CDH18: variants seen among roughly 807,000 people sequenced by gnomAD.
The protein encoded by CDH18 is cadherin 18.
Under a neutral mutation model 67.9 loss-of-function variants are expected in CDH18, and 31 were observed. The observed-to-expected ratio is 0.46, with a 90% CI of 0.34 to 0.62. The LOEUF (loss-of-function observed/expected upper bound fraction) is 0.62, where lower values mean the gene tolerates loss of function less well. CDH18 is among the 20% of genes least tolerant of loss of function. The pLI is 0.01. For missense variants in CDH18, 890 were observed against 975.5 expected (o/e 0.91, Z 1.17); for synonymous variants, 362 against 347.2 (o/e 1.04, Z -0.48).
chr5:19,620,963 T>A lies in CDH18; in HGVS notation c.644-8362A>T, dbSNP rs542806567. The stretch of plus-strand genomic sequence containing the variant: ...CTCCTTGACTTACGATGGAGTTGCA[T>A]CATAATAAACCCATTACAGAGCTGA... On this transcript the variant is annotated intron_variant, in intron 5 of 12. Coordinates refer to ENST00000382275, the MANE Select transcript of CDH18 (RefSeq NM_004934.5). Among the ~76,000 whole-genome samples the A allele has an allele frequency of 9.2e-5, 14 of 152,194 alleles. No individual in the cohort carries two copies. The South Asian group carries it at 2.1e-3, about 23-fold the overall frequency.
chr5:20,568,623 TA>T (rs1758644767), intron 1 of CDH18, among the ~76,000 whole-genome samples: 1 of 136,414 alleles, frequency 7.3e-6, no homozygotes, highest in Non-Finnish European at 1.5e-5. Context: ...ATTAATTCAC[TA>T]GAAAAAATAT....
At chr5:20,459,391 A>G (rs990744676) in intron 1 of CDH18, among the ~76,000 whole-genome samples, 2 of 152,170 alleles carry the variant, frequency 1.3e-5, no homozygotes, top group African/African-American at 4.8e-5. Context: ...ACAGGGACCT[A>G]CATGTCTTTT....
chr5:20,450,436 C>T (rs1274568038), intron 1 of CDH18, among the ~76,000 whole-genome samples: 3 of 152,104 alleles, frequency 2.0e-5, no homozygotes, highest in Non-Finnish European at 2.9e-5. Flanking sequence ...TAAGTACTGT[C>T]TACATTATTG....
intron 1 of CDH18, among the ~76,000 whole-genome samples, chr5:20,386,668 C>T (rs1305401356): frequency 6.6e-6 from 1 of 152,106 alleles, no homozygotes; most frequent in African/African-American, 2.4e-5. Flanking sequence ...ACCTACTTCA[C>T]ATAACCCATA....
intron 5 of CDH18, among the ~76,000 whole-genome samples, chr5:19,647,310 C>T (rs934192749): frequency 5.9e-5 from 9 of 151,448 alleles, no homozygotes; most frequent in Non-Finnish European, 8.8e-5. Context: ...ATCACGAGGT[C>T]AAGAGATTGA....
chr5:19,606,222 C>T (rs1580455776), intron 6 of CDH18, among the ~76,000 whole-genome samples: 1 of 152,024 alleles, frequency 6.6e-6, no homozygotes, highest in African/African-American at 2.4e-5. Flanking sequence ...AAATAACTTG[C>T]CCCTCTTTGA....
At chr5:19,951,606 CT>C (rs141753085) in intron 2 of CDH18, among the ~76,000 whole-genome samples, 6,297 of 152,080 alleles carry the variant, frequency 0.041, 169 homozygotes, top group East Asian at 0.093. Flanking sequence ...ATTATGATAC[CT>C]TATTTTATAG....
chr5:19,480,384 T>TTTATTTATTTA (rs1554022266), intron 12 of CDH18, among the ~76,000 whole-genome samples: 5 of 149,986 alleles, frequency 3.3e-5, no homozygotes, highest in African/African-American at 1.2e-4. Context: ...TATTTATTTA[T>TTTATTTATTTA]TTATTTATTT....
chr5:20,329,503 C>T, intron 1 of CDH18, among the ~76,000 whole-genome samples: 1 of 151,968 alleles, frequency 6.6e-6, no homozygotes, highest in Middle Eastern at 3.2e-3. Context: ...TTGCTCACGC[C>T]TGTAATCTCA....
At chr5:19,639,437 C>T (rs564192612) in intron 5 of CDH18, among the ~76,000 whole-genome samples, 1 of 152,288 alleles carries the variant, frequency 6.6e-6, no homozygotes, top group East Asian at 1.9e-4. Context: ...GCAATCTTTG[C>T]TATTAAAGAC....
rs1742670362 is a variant in CDH18 at position 20,368,100 on chromosome 5, C to T, written c.-579-112595G>A. 1.3e-5 allele frequency among the ~76,000 whole-genome samples: 2 copies of T among 152,150 alleles called. 1 individual carries two copies. Among genetic ancestry groups the T allele is most frequent in the South Asian group, 4.1e-4 (2 of 4,824 alleles). Reference sequence around the variant, plus strand: ...GGACTCCTGGGGTGAAATGTGAGCACATTTAATTACCATTTTTCATTATAG... The same window carrying T: ...GGACTCCTGGGGTGAAATGTGAGCATATTTAATTACCATTTTTCATTATAG... On this transcript the variant is annotated intron_variant, in intron 1 of 14. Transcript: ENST00000507958.
chr5:20,390,351 A>G (rs187969123), intron 1 of CDH18, among the ~76,000 whole-genome samples: 57 of 152,346 alleles, frequency 3.7e-4, no homozygotes, highest in African/African-American at 1.3e-3. Context: ...CACTTCTCAA[A>G]GGAGAGATTT....
intron 2 of CDH18, among the ~76,000 whole-genome samples, chr5:19,855,359 C>T (rs1304659163): frequency 1.3e-5 from 2 of 151,960 alleles, no homozygotes; most frequent in Non-Finnish European, 2.9e-5. Context: ...TTTATATCTC[C>T]TTCTTTATGC....
intron 1 of CDH18, among the ~76,000 whole-genome samples, chr5:20,545,420 C>T (rs762070694): frequency 4.1e-4 from 62 of 152,202 alleles, no homozygotes; most frequent in Non-Finnish European, 7.5e-4. Flanking sequence ...GGGCTCCACC[C>T]CTGCAGAGGA....
chr5:20,082,134 C>CAA (rs577850481), intron 2 of CDH18, among the ~76,000 whole-genome samples: 2 of 139,698 alleles, frequency 1.4e-5, no homozygotes, highest in Non-Finnish European at 3.1e-5. Flanking sequence ...CCGATGCATT[C>CAA]AAAAAAAAAA....
chr5:20,182,963 G>T (rs1295887812), intron 2 of CDH18, among the ~76,000 whole-genome samples: 1 of 152,002 alleles, frequency 6.6e-6, no homozygotes, highest in Non-Finnish European at 1.5e-5. Context: ...TAACCTGAAG[G>T]GTATAGGTTC....
At chr5:19,568,997 A>G (rs1374787586) in intron 8 of CDH18, among the ~76,000 whole-genome samples, 1 of 152,138 alleles carries the variant, frequency 6.6e-6, no homozygotes, top group Non-Finnish European at 1.5e-5. Context: ...TAATGCTAAA[A>G]CATCTTTGTC....
At chr5:19,515,035 G>C (rs1306928354) in intron 10 of CDH18, among the ~76,000 whole-genome samples, 1 of 152,162 alleles carries the variant, frequency 6.6e-6, no homozygotes, top group Non-Finnish European at 1.5e-5. Flanking sequence ...AAGGTGTAAG[G>C]AAGGGATCCA....
chr5:19,925,030 T>G (rs770921346), intron 2 of CDH18, among the ~76,000 whole-genome samples: 19 of 152,148 alleles, frequency 1.2e-4, no homozygotes, highest in Non-Finnish European at 2.5e-4. Flanking sequence ...TGTGAACCAG[T>G]AGCATAAACA....
Sources: gnomAD v4.1 joint callset for allele counts (sites outside exome capture counted in the v4.1 genomes callset) on GRCh38, gnomAD v4.1.1 for gene constraint, MANE v1.5 for transcripts, NCBI Gene and HGNC (gene_info 2026-07-23, HGNC 2026-07-21) for gene names.